The following NBPF12 variants were observed in gnomAD, a reference collection of about 807,000 sequenced individuals.
The protein encoded by NBPF12 is NBPF member 12.
NBPF12 carries 115 observed loss-of-function variants against 146.4 expected under a neutral mutation model. The observed-to-expected ratio is 0.79, with a 90% CI of 0.68 to 0.92. The LOEUF is 0.92. Ranked by LOEUF, NBPF12 falls within the 40% of genes least tolerant of loss-of-function variation. NBPF12 has a pLI of 0.00. For missense variants in NBPF12, 1,205 were observed against 1,326.8 expected, an observed-to-expected ratio of 0.91 and a Z score of 1.43; for synonymous variants, 385 against 508.9, an observed-to-expected ratio of 0.76 and a Z score of 3.28.
chr1:146,992,619 A>T (rs1658275083), intron 31 of NBPF12, 93 bp from the exon 35 acceptor site: 2 of 755,646 alleles, frequency 2.6e-6, no homozygotes, highest in Non-Finnish European at 4.8e-6. Flanking sequence ...TACTTTTTTT[A>T]ACCACTTCCT....
intron 7 of NBPF12, 21 bp from the exon 11 acceptor site, chr1:146,964,872 C>A: frequency 6.5e-7 from 1 of 1,549,828 alleles, no homozygotes; most frequent in East Asian, 2.2e-5. Flanking sequence ...TCTGTCATCT[C>A]TGTCCCACCT....
intron 16 of NBPF12, among the ~76,000 whole-genome samples, chr1:146,976,218 G>A (rs1163830072): frequency 6.6e-6 from 1 of 151,744 alleles, no homozygotes; most frequent in Non-Finnish European, 1.5e-5. Context: ...AAGAATGAAG[G>A]TTCCCAGGCT....
At chr1:146,978,301 G>C in intron 18 of NBPF12, among the ~76,000 whole-genome samples, 1 of 122,796 alleles carries the variant, frequency 8.1e-6, no homozygotes, top group South Asian at 2.8e-4. Flanking sequence ...GTCCTGCTCT[G>C]TCACCTAGGC....
chr1:146,956,210 T>C (rs1403908949), intron 2 of NBPF12, among the ~76,000 whole-genome samples: 18 of 151,658 alleles, frequency 1.2e-4, no homozygotes, highest in Non-Finnish European at 8.8e-5. Flanking sequence ...TTACAAGACA[T>C]TACAGATGGA....
chr1:146,980,334 T>A (rs1232860989), intron 19 of NBPF12, among the ~76,000 whole-genome samples: 1 of 152,142 alleles, frequency 6.6e-6, no homozygotes, highest in African/African-American at 2.4e-5. Flanking sequence ...AATATTGTTA[T>A]GTGTGAATTT....
chr1:146,950,646 C>G (rs1243954859), intron 1 of NBPF12, among the ~76,000 whole-genome samples: 1 of 152,110 alleles, frequency 6.6e-6, no homozygotes, highest in Non-Finnish European at 1.5e-5. Context: ...TCCTATTGCA[C>G]TCAAAATGTT....
At chr1:146,947,252 C>G (rs1228850631), upstream of NBPF12, among the ~76,000 whole-genome samples, 2 of 151,884 alleles carry the variant, frequency 1.3e-5, no homozygotes, top group South Asian at 2.1e-4. Context: ...CCCTCAGCTT[C>G]TAGTAATCTG....
At chr1:146,994,780 A>T (rs1445998267) in exon 34 of NBPF12, 5 of 876,546 alleles carry the variant, frequency 5.7e-6, no homozygotes, top group South Asian at 5.2e-5. Flanking sequence ...TGACACGTTC[A>T]CATAACTGTG....
chr1:146,966,367 G>A lies in NBPF12; in HGVS notation c.779-97G>A, dbSNP rs1377513549. The A allele has an allele frequency of 1.4e-5, 15 of 1,081,568 alleles. No individual in the cohort carries two copies. In the East Asian group the frequency reaches 1.9e-4, roughly 14 times the overall value. 67.0% of individuals were successfully genotyped at this position (1,081,568 alleles called of 1,614,324 possible). A position where few individuals can be genotyped will look rare whatever the true frequency, so the allele number is the denominator to read the frequency against. On this transcript the variant is annotated intron_variant, in intron 8 of 33. Transcript: ENST00000617844. ...CCAGGGAAACATCATCTTCGAATAAGTACACAAGGCTGCCAGTGACATCCC... is the reference window on the plus strand; with the variant it reads ...CCAGGGAAACATCATCTTCGAATAAATACACAAGGCTGCCAGTGACATCCC...
chr1:146,972,735 C>G lies in NBPF12; in HGVS notation c.1592-16C>G. On this transcript the variant is annotated splice_polypyrimidine_tract_variant and intron_variant, in intron 13 of 33. Transcript: ENST00000617844. The stretch of plus-strand genomic sequence containing the variant: ...CAGTTTTTAACCCATCATGTGTTTG[C>G]CTTTCTTCTCCCCAGTCCCTGGCCC... 1.5e-6 allele frequency: 2 copies of G among 1,351,372 alleles called. No individual in the cohort carries two copies. Among genetic ancestry groups the G allele is most frequent in the Non-Finnish European group, 2.1e-6 (2 of 943,768 alleles). 83.7% of individuals were successfully genotyped at this position (1,351,372 alleles called of 1,614,324 possible). A position where few individuals can be genotyped will look rare whatever the true frequency, so the allele number is the denominator to read the frequency against.
chr1:146,952,463 G>T (rs1325709178), intron 2 of NBPF12, among the ~76,000 whole-genome samples: 2 of 152,072 alleles, frequency 1.3e-5, no homozygotes, highest in African/African-American at 4.8e-5. Flanking sequence ...AATTAGAAAG[G>T]CATGAAATAA....
At chr1:146,970,499 C>T in intron 11 of NBPF12, 148 bp from the exon 15 acceptor site, 7 of 1,131,634 alleles carry the variant, frequency 6.2e-6, no homozygotes, top group South Asian at 2.7e-5. Context: ...GGAAACCATG[C>T]CAGGGCATTT....
intron 19 of NBPF12, among the ~76,000 whole-genome samples, chr1:146,980,422 G>A (rs1457278163): frequency 1.3e-5 from 2 of 151,962 alleles, no homozygotes; most frequent in African/African-American, 4.8e-5. Flanking sequence ...ATGGTCTTTA[G>A]AGTTTGGCAT....
Position 146,962,271 on chromosome 1 carries a change from G to C in NBPF12, c.278+8G>C. The C allele has an allele frequency of 2.5e-6, 4 of 1,601,912 alleles. No homozygotes were observed. Among genetic ancestry groups the C allele is most frequent in the Non-Finnish European group, 3.4e-6 (4 of 1,176,944 alleles). ...ACAAGCTGAGGAGCTCAGGTGAGGG[G>C]ACCCCATGGGGGGAGGCAGGCGGGT... On this transcript the variant is annotated splice_region_variant and intron_variant, in intron 5 of 33. Transcript: ENST00000617844.
At chr1:146,969,640 T>C in intron 11 of NBPF12, 44 bp downstream of exon 14, 1 of 1,579,778 alleles carries the variant, frequency 6.3e-7, no homozygotes, top group Non-Finnish European at 8.7e-7. Flanking sequence ...CCCAGGCTTA[T>C]GAGAGGCTCC....
intron 15 of NBPF12, among the ~76,000 whole-genome samples, 197 bp from the exon 19 acceptor site, chr1:146,975,480 G>T (rs1335074427): frequency 6.7e-6 from 1 of 149,640 alleles, no homozygotes; most frequent in Non-Finnish European, 1.5e-5. Flanking sequence ...GATCTTGCAG[G>T]AGCCCTCTCT....
intron 2 of NBPF12, chr1:146,951,849 C>G (rs1437620633): frequency 1.9e-5 from 4 of 209,214 alleles, no homozygotes; most frequent in Non-Finnish European, 3.9e-5. Flanking sequence ...AACAGATGGT[C>G]ATAGAATTGT....
chr1:146,945,354 C>T (rs1437215976), upstream of NBPF12, among the ~76,000 whole-genome samples: 1 of 150,932 alleles, frequency 6.6e-6, no homozygotes, highest in African/African-American at 2.4e-5. Flanking sequence ...CTCAGTGGTT[C>T]CTAGTCATCA....
chr1:146,940,131 G>C (rs1654731485), intron 1 of NBPF12, among the ~76,000 whole-genome samples: 1 of 152,070 alleles, frequency 6.6e-6, no homozygotes, highest in Non-Finnish European at 1.5e-5. Flanking sequence ...TTTGTTCTGA[G>C]CTGTTATGCA....
Sources: allele counts gnomAD v4.1 joint callset (sites outside exome capture counted in the v4.1 genomes callset), GRCh38; gene constraint gnomAD v4.1.1; transcripts MANE v1.5; gene names NCBI Gene and HGNC (gene_info 2026-07-23, HGNC 2026-07-21).